The following PRDM6 variants were observed in gnomAD, a reference collection of about 807,000 sequenced individuals.
The protein encoded by PRDM6 is putative histone-lysine N-methyltransferase PRDM6.
PRDM6 carries 25 observed loss-of-function variants against 60.8 expected under a neutral mutation model. The ratio of observed to expected loss-of-function variants is 0.41; its 90% CI spans 0.30 to 0.57. The LOEUF is 0.57. PRDM6 is among the 20% of genes least tolerant of loss of function. The pLI, the probability that PRDM6 is intolerant of heterozygous loss-of-function variation, is 0.27. For synonymous variants in PRDM6, 407 were observed against 357.4 expected (o/e 1.14, Z -1.57); for missense variants, 839 against 821.3 (o/e 1.02, Z -0.26).
intron 5 of PRDM6, among the ~76,000 whole-genome samples, chr5:123,160,744 C>G (rs926120788): frequency 6.6e-6 from 1 of 152,180 alleles, no homozygotes; most frequent in Non-Finnish European, 1.5e-5. Flanking sequence ...TTACCCTAAC[C>G]CCAAAACCAA....
chr5:123,147,448 G>A (rs233174), intron 3 of PRDM6, among the ~76,000 whole-genome samples: 108,591 of 152,108 alleles, frequency 0.71, 38,905 homozygotes, highest in Non-Finnish European at 0.75. Context: ...TTGCTGCAAC[G>A]GAGAAGAGGG....
chr5:123,165,648 C>T (rs1159743229), intron 5 of PRDM6, among the ~76,000 whole-genome samples: 1 of 152,172 alleles, frequency 6.6e-6, no homozygotes, highest in African/African-American at 2.4e-5. Context: ...TAGTCTCCTT[C>T]CAAGATGCCA....
rs139098241 is a variant in PRDM6 at position 123,113,629 on chromosome 5, C to G, written c.900+13668C>G. The stretch of plus-strand genomic sequence containing the variant: ...GGACTGTAGAGTTCTTGCTCTTCAC[C>G]GGTCTGCTCTTTGCTTTCTGCCCCT... On this transcript the variant is annotated intron_variant, in intron 3 of 7. Transcript: ENST00000407847. Among the ~76,000 whole-genome samples, 44 of 152,252 alleles carry G rather than the reference C, an allele frequency of 2.9e-4. 1 individual carries two copies. Among genetic ancestry groups the G allele is most frequent in the Middle Eastern group, 6.8e-3 (2 of 294 alleles).
intron 3 of PRDM6, among the ~76,000 whole-genome samples, chr5:123,113,429 G>A (rs1764361660): frequency 6.6e-6 from 1 of 152,134 alleles, no homozygotes; most frequent in South Asian, 2.1e-4. Context: ...AGCTTTGCAG[G>A]GGTTATTTTA....
chr5:123,117,019 A>G (rs443796), intron 3 of PRDM6, among the ~76,000 whole-genome samples: 133,342 of 152,150 alleles, frequency 0.88, 58,892 homozygotes, highest in East Asian at 0.99. Flanking sequence ...TTGTACCCTA[A>G]TAAGCTGGCT....
At chr5:123,179,682 A>G (rs1377358988) in intron 6 of PRDM6, among the ~76,000 whole-genome samples, 1 of 152,156 alleles carries the variant, frequency 6.6e-6, no homozygotes, top group African/African-American at 2.4e-5. Context: ...TAACAGAGAT[A>G]ATAGCAACTG....
At chr5:123,126,675 A>C (rs1764701429) in intron 3 of PRDM6, among the ~76,000 whole-genome samples, 1 of 152,222 alleles carries the variant, frequency 6.6e-6, no homozygotes, top group African/African-American at 2.4e-5. Flanking sequence ...ACAAGAGATG[A>C]CACATATTTC....
chr5:123,124,891 T>A (rs997887703), intron 3 of PRDM6, among the ~76,000 whole-genome samples: 2 of 152,064 alleles, frequency 1.3e-5, no homozygotes, highest in African/African-American at 2.4e-5. Context: ...CTACATACAA[T>A]TTTCTAAAAG....
chr5:123,111,179 A>T (rs1350808985), intron 3 of PRDM6, among the ~76,000 whole-genome samples: 1 of 152,234 alleles, frequency 6.6e-6, no homozygotes, highest in Non-Finnish European at 1.5e-5. Flanking sequence ...AATAGTTACA[A>T]TGGTAAGTTT....
At chr5:123,152,464 A>T (rs1179767656) in intron 3 of PRDM6, among the ~76,000 whole-genome samples, 1 of 152,204 alleles carries the variant, frequency 6.6e-6, no homozygotes, top group Admixed American at 6.5e-5. Context: ...GTTCAGGAAA[A>T]ACAAGGTTGG....
chr5:123,097,847 G>A (rs751665096), intron 2 of PRDM6, among the ~76,000 whole-genome samples: 4 of 152,216 alleles, frequency 2.6e-5, no homozygotes, highest in South Asian at 2.1e-4. Context: ...TCTGCTTTCC[G>A]AAACAAGTTG....
intron 3 of PRDM6, among the ~76,000 whole-genome samples, chr5:123,124,979 C>T (rs559169893): frequency 1.3e-5 from 2 of 151,864 alleles, no homozygotes; most frequent in South Asian, 2.1e-4. Context: ...TCCTTTTTCT[C>T]TATTCACGTT....
chr5:123,181,707 C>T (rs1257983083), intron 7 of PRDM6, among the ~76,000 whole-genome samples: 1 of 152,142 alleles, frequency 6.6e-6, no homozygotes, highest in African/African-American at 2.4e-5. Flanking sequence ...GACTAATCCC[C>T]CTGCTCAGTC....
At chr5:123,183,602 C>A (rs1210647344) in intron 7 of PRDM6, among the ~76,000 whole-genome samples, 1 of 151,970 alleles carries the variant, frequency 6.6e-6, no homozygotes, top group Non-Finnish European at 1.5e-5. Flanking sequence ...GGAGCATGTA[C>A]GAAAAATAAA....
Position 123,191,916 on chromosome 5 carries a change from G to A in PRDM6, c.*4715G>A, listed in dbSNP as rs923158015. The A allele has an allele frequency of 6.6e-6, 1 of 152,178 alleles. No homozygotes were observed. Among genetic ancestry groups the A allele is most frequent in the Non-Finnish European group, 1.5e-5 (1 of 68,034 alleles). The allele number at this position is 152,178 out of a possible 1,614,324, so 9.4% of individuals were successfully genotyped here. A position where few individuals can be genotyped will look rare whatever the true frequency, so the allele number is the denominator to read the frequency against. On this transcript the variant is annotated 3_prime_UTR_variant, in exon 8 of 8. Transcript: ENST00000407847. Reference sequence around the variant, plus strand: ...GATGTTTAACCTGTAGTCCATGGCTGTGTTTGACATTTAAAATATTTATTT... The same window carrying A: ...GATGTTTAACCTGTAGTCCATGGCTATGTTTGACATTTAAAATATTTATTT...
At chr5:123,107,804 C>T (rs572595642) in intron 3 of PRDM6, among the ~76,000 whole-genome samples, 2 of 152,298 alleles carry the variant, frequency 1.3e-5, no homozygotes, top group South Asian at 4.1e-4. Flanking sequence ...TGTTGTATTT[C>T]AGGAAGTCCA....
At chr5:123,129,841 A>T (rs1207208661) in intron 3 of PRDM6, among the ~76,000 whole-genome samples, 1 of 152,154 alleles carries the variant, frequency 6.6e-6, no homozygotes, top group Non-Finnish European at 1.5e-5. Flanking sequence ...TCCACTTAGG[A>T]TCTAAGACAG....
At chr5:123,111,688 AAAAC>A (rs1378818539) in intron 3 of PRDM6, among the ~76,000 whole-genome samples, 4 of 30,040 alleles carry the variant, frequency 1.3e-4, no homozygotes, top group Non-Finnish European at 4.3e-4. Context: ...ACAGAGCGAG[AAAAC>A]AAAACAAAAC....
At chr5:123,183,155 A>G (rs1766204662) in intron 7 of PRDM6, among the ~76,000 whole-genome samples, 1 of 152,222 alleles carries the variant, frequency 6.6e-6, no homozygotes, top group Admixed American at 6.5e-5. Context: ...ACTAATGGGT[A>G]TTGGCTTACA....
Sources: allele counts gnomAD v4.1 joint callset (sites outside exome capture counted in the v4.1 genomes callset), GRCh38; gene constraint gnomAD v4.1.1; transcripts MANE v1.5; gene names NCBI Gene and HGNC (gene_info 2026-07-23, HGNC 2026-07-21).